ZNF429: variants seen among roughly 807,000 people sequenced by gnomAD.
The protein encoded by ZNF429 is zinc finger protein 429.
ZNF429 carries 53 observed loss-of-function variants against 56.8 expected under a neutral mutation model. The observed-to-expected ratio is 0.93, with a 90% CI of 0.75 to 1.17. The LOEUF (loss-of-function observed/expected upper bound fraction) is 1.17. Among genes scored for constraint, ZNF429 ranks in the 50% most tolerant of loss-of-function variants. The pLI is 0.00. For missense variants in ZNF429, 849 were observed against 788.4 expected, an observed-to-expected ratio of 1.08 and a Z score of -0.92; for synonymous variants, 278 against 264.7, an observed-to-expected ratio of 1.05 and a Z score of -0.49.
chr19:21,537,009 G>A lies in ZNF429; in HGVS notation c.956G>A (p.Gly319Asp), dbSNP rs765973327. 3 of 1,613,774 alleles carry A rather than the reference G, an allele frequency of 1.9e-6. No homozygotes were observed. The highest frequency in any genetic ancestry group is 1.7e-5 in the Admixed American group (1 of 59,992). ...AAACCCTACAAATGTAAAGAATGTG[G>A]CAAAGCCTTTAACCGGTCCTCAACC... ...EEKPYKCKEC[G>D]KAFNRSSTLT... Residue 319 changes from glycine (G) to aspartate (D), a missense_variant, in exon 4 of 4, where the codon GGC (glycine) becomes GAC (aspartate). By Grantham distance (94) the Gly-to-Asp change is moderately conservative. Transcript: ENST00000358491.
intron 1 of ZNF429, among the ~76,000 whole-genome samples, chr19:21,509,189 TA>T (rs1424471822): frequency 6.6e-6 from 1 of 152,112 alleles, no homozygotes; most frequent in Non-Finnish European, 1.5e-5. Context: ...TGTATTTTAG[TA>T]GAGACAGGGT....
Position 21,512,588 on chromosome 19 carries a change from G to A in ZNF429, c.3+6814G>A, listed in dbSNP as rs546222342. 3.3e-3 allele frequency among the ~76,000 whole-genome samples: 488 copies of A among 149,400 alleles called. 1 individual carries two copies. The highest frequency in any genetic ancestry group is 5.8e-3 in the Non-Finnish European group (391 of 67,590). On this transcript the variant is annotated intron_variant, in intron 1 of 3. Transcript: ENST00000358491. Reference sequence around the variant, plus strand: ...CAGAGGCAGGAGAATCACTTGAACCGGGGAGGTGGTGGTTACAGTGACCCG... The same window carrying A: ...CAGAGGCAGGAGAATCACTTGAACCAGGGAGGTGGTGGTTACAGTGACCCG...
chr19:21,535,116 C>G lies in ZNF429; in HGVS notation c.227-1164C>G. Among the ~76,000 whole-genome samples the G allele has an allele frequency of 2.0e-5, 3 of 150,854 alleles. No individual in the cohort carries two copies. The East Asian group carries it at 5.8e-4, about 29-fold the overall frequency. The stretch of plus-strand genomic sequence containing the variant: ...TGCTGGGATTACAGGCGTGAGCCAC[C>G]GCGCCCGGCCTTGTTTTTATTTTTT... On this transcript the variant is annotated intron_variant, in intron 3 of 3. Coordinates refer to ENST00000358491, the MANE Select transcript of ZNF429 (RefSeq NM_001001415.4).
rs1156878476 is a variant in ZNF429 at position 21,539,337 on chromosome 19, GAAAAT to G, written c.*1264_*1268del. 6.6e-6 allele frequency among the ~76,000 whole-genome samples: 1 copy of G among 151,834 alleles called. No individual in the cohort carries two copies. The highest frequency in any genetic ancestry group is 1.5e-5 in the Non-Finnish European group (1 of 67,996). ...ACATTACACTAAAGTGCTGAGTATA[GAAAAT>G]AAAACTAAAGTTGTTAAATTATTTG... On this transcript the variant is annotated 3_prime_UTR_variant, in exon 4 of 4. Coordinates refer to ENST00000358491, the MANE Select transcript of ZNF429 (RefSeq NM_001001415.4).
intron 3 of ZNF429, 60 bp downstream of exon 3, chr19:21,530,744 G>A: frequency 2.2e-5 from 28 of 1,248,992 alleles, no homozygotes; most frequent in Non-Finnish European, 2.6e-5. Context: ...CAATAAGAAA[G>A]CCAGTCCTTA....
At chr19:21,532,113 A>G in intron 3 of ZNF429, among the ~76,000 whole-genome samples, 2 of 152,168 alleles carry the variant, frequency 1.3e-5, no homozygotes, top group Non-Finnish European at 2.9e-5. Flanking sequence ...AAAATATATC[A>G]ATGAAAGAAA....
At position 21,537,239 on chromosome 19, in the gene ZNF429, C is replaced by T. The variant is rs1198414528; in HGVS notation, c.1186C>T (p.Pro396Ser). ...RHKKIHTGEE[P>S]YKFEKCGRVF... ...TAAAAAAATTCATACTGGAGAGGAA[C>T]CCTACAAATTTGAAAAATGTGGCAG... The change falls in exon 4 of 4, where the codon CCC (proline) becomes TCC (serine). Residue 396 changes from proline to serine, a missense_variant. Transcript: ENST00000358491. The T allele has an allele frequency of 6.2e-7, 1 of 1,613,716 alleles. No homozygotes were observed. The highest frequency in any genetic ancestry group is 8.5e-7 in the Non-Finnish European group (1 of 1,179,894).
At chr19:21,523,988 T>TA (rs773430806) in intron 1 of ZNF429, among the ~76,000 whole-genome samples, 1 of 151,992 alleles carries the variant, frequency 6.6e-6, no homozygotes, top group Admixed American at 6.6e-5. Flanking sequence ...ATTCAGAATG[T>TA]AAAAAAAACT....
At chr19:21,529,354 C>G in intron 1 of ZNF429, 1 of 272,324 alleles carries the variant, frequency 3.7e-6, no homozygotes, top group Non-Finnish European at 5.7e-6. Flanking sequence ...AAACATAGCA[C>G]TCAAAAATGT....
rs750578643 is a variant in ZNF429 at position 21,505,621 on chromosome 19, G to A, written c.-151G>A. 8.2e-5 allele frequency: 54 copies of A among 659,776 alleles called. No individual in the cohort carries two copies. Among genetic ancestry groups the A allele is most frequent in the Non-Finnish European group, 1.0e-4 (43 of 411,836 alleles). The allele number at this position is 659,776 out of a possible 1,614,324, so 40.9% of individuals were successfully genotyped here. On this transcript the variant is annotated 5_prime_UTR_variant, in exon 1 of 4. Coordinates refer to ENST00000358491, the MANE Select transcript of ZNF429 (RefSeq NM_001001415.4). ...GACAGGACGGTTTCCGGAATATGGC[G>A]GGGCGTTTGGCTCTTGCTGCAGCCA...
Position 21,537,029 on chromosome 19 carries a change from T to C in ZNF429, c.976T>C (p.Ser326Pro). ...KECGKAFNRS[S>P]TLTSHKRIHT... ...ATGTGGCAAAGCCTTTAACCGGTCC[T>C]CAACCCTTACTAGCCATAAGAGAAT... The change falls in exon 4 of 4, where the codon TCA (serine) becomes CCA (proline). Residue 326 changes from serine to proline, a missense_variant. Physicochemically the swap from Ser to Pro is moderately conservative, Grantham distance 74. Coordinates refer to ENST00000358491, the MANE Select transcript of ZNF429 (RefSeq NM_001001415.4). 1 of 1,613,968 alleles carries C rather than the reference T, an allele frequency of 6.2e-7. No homozygotes were observed. Among genetic ancestry groups the C allele is most frequent in the African/African-American group, 1.3e-5 (1 of 75,020 alleles).
intron 1 of ZNF429, among the ~76,000 whole-genome samples, chr19:21,506,462 G>T (rs1411836867): frequency 1.0e-5 from 1 of 96,772 alleles, no homozygotes; most frequent in Admixed American, 9.7e-5. Flanking sequence ...AAAAAAAAAA[G>T]GGGAGTCACT....
rs1416606903 is a variant in ZNF429 at position 21,539,673 on chromosome 19, T to A, written c.*1595T>A. Among the ~76,000 whole-genome samples, 2 of 151,864 alleles carry A rather than the reference T, an allele frequency of 1.3e-5. No individual in the cohort carries two copies. The highest frequency in any genetic ancestry group is 4.8e-5 in the African/African-American group (2 of 41,352). On this transcript the variant is annotated 3_prime_UTR_variant, in exon 4 of 4. Transcript: ENST00000358491. ...CTCAAACTCTTCATCTCAAGTGATC[T>A]GCCCACCTTGGCCTCCCAGAGTGCT...
intron 1 of ZNF429, among the ~76,000 whole-genome samples, chr19:21,525,001 A>C (rs921564934): frequency 1.3e-5 from 2 of 152,094 alleles, no homozygotes; most frequent in African/African-American, 4.8e-5. Flanking sequence ...AAAATGAAGC[A>C]GTCATGGTCC....
chr19:21,505,946 T>C (rs1285534319), intron 1 of ZNF429, 172 bp downstream of exon 1: 2 of 617,764 alleles, frequency 3.2e-6, no homozygotes, highest in Admixed American at 5.8e-5. Context: ...GCGACTGTGC[T>C]GACAGCCGGG....
Position 21,536,421 on chromosome 19 carries a change from G to T in ZNF429, c.368G>T (p.Cys123Phe), listed in dbSNP as rs764299781. 4 of 1,613,886 alleles carry T rather than the reference G, an allele frequency of 2.5e-6. No individual in the cohort carries two copies. Among genetic ancestry groups the T allele is most frequent in the Non-Finnish European group, 8.5e-7 (1 of 1,179,904 alleles). Residue 123 changes from cysteine (C) to phenylalanine (F), a missense_variant, in exon 4 of 4, where the codon TGT becomes TTT. Transcript: ENST00000358491. The part of the protein sequence containing the change: ...LRKGYKTVGD[C>F]KLYKGGYNGL... ...AAAGGCTATAAAACTGTAGGTGATTGTAAGCTATACAAAGGAGGTTATAAT... is the reference window on the plus strand; with the variant it reads ...AAAGGCTATAAAACTGTAGGTGATTTTAAGCTATACAAAGGAGGTTATAAT...
At chr19:21,509,984 C>G (rs1485745681) in intron 1 of ZNF429, among the ~76,000 whole-genome samples, 1 of 151,648 alleles carries the variant, frequency 6.6e-6, no homozygotes, top group African/African-American at 2.4e-5. Flanking sequence ...TCTCTGCTTA[C>G]TGCAACCTCC....
At chr19:21,530,848 G>T in intron 3 of ZNF429, among the ~76,000 whole-genome samples, 164 bp downstream of exon 3, 1 of 152,152 alleles carries the variant, frequency 6.6e-6, no homozygotes, top group African/African-American at 2.4e-5. Flanking sequence ...GTTCACACGT[G>T]TAATCCCAGC....
At chr19:21,516,326 A>G (rs2032742102) in intron 1 of ZNF429, among the ~76,000 whole-genome samples, 1 of 151,940 alleles carries the variant, frequency 6.6e-6, no homozygotes, top group Non-Finnish European at 1.5e-5. Context: ...TGACCTTGTG[A>G]TCCACCCGCC....
Sources: gnomAD v4.1 joint callset for allele counts (sites outside exome capture counted in the v4.1 genomes callset) on GRCh38, gnomAD v4.1.1 for gene constraint, MANE v1.5 for transcripts, NCBI Gene and HGNC (gene_info 2026-07-23, HGNC 2026-07-21) for gene names.